Variants in IFTAP observed in about 807,000 individuals in gnomAD.
IFTAP encodes the protein intraflagellar transport-associated protein.
In IFTAP, 19 loss-of-function variants were observed where a neutral mutation model predicts 19.4. The ratio of observed to expected loss-of-function variants is 0.98; its 90% confidence interval spans 0.68 to 1.44. The LOEUF (loss-of-function observed/expected upper bound fraction) is 1.44, where lower values mean the gene tolerates loss of function less well. IFTAP is among the 40% of genes most tolerant of loss of function. The pLI is 0.00. For missense variants in IFTAP, 240 were observed against 253.6 expected, an observed-to-expected ratio of 0.95 and a Z score of 0.36; for synonymous variants, 85 against 83.5, an observed-to-expected ratio of 1.02 and a Z score of -0.10.
intron 5 of IFTAP, among the ~76,000 whole-genome samples, chr11:36,658,550 T>A (rs1196218392): frequency 6.6e-6 from 1 of 152,194 alleles, no homozygotes; most frequent in Admixed American, 6.5e-5. Flanking sequence ...AGAAGTATAT[T>A]CAATGTAGGG....
At chr11:36,624,098 C>T (rs1287162231) in intron 2 of IFTAP, among the ~76,000 whole-genome samples, 5 of 151,976 alleles carry the variant, frequency 3.3e-5, no homozygotes, top group Admixed American at 2.0e-4. Flanking sequence ...GGATTAGAAA[C>T]TTCGTTGGAA....
chr11:36,620,753 C>T (rs1331897375), intron 2 of IFTAP, among the ~76,000 whole-genome samples: 1 of 151,490 alleles, frequency 6.6e-6, no homozygotes, highest in Non-Finnish European at 1.5e-5. Context: ...TATTTTGTTC[C>T]AATAATTACC....
chr11:36,643,740 G>A (rs1212050595), intron 4 of IFTAP, among the ~76,000 whole-genome samples: 2 of 152,120 alleles, frequency 1.3e-5, no homozygotes, highest in Admixed American at 1.3e-4. Context: ...TAAAACAAGA[G>A]ATGGGGAAAA....
chr11:36,655,953 A>G (rs1395588624), intron 5 of IFTAP, among the ~76,000 whole-genome samples: 1 of 152,178 alleles, frequency 6.6e-6, no homozygotes, highest in Non-Finnish European at 1.5e-5. Context: ...CATGACAGAG[A>G]AGAATGTAAA....
At chr11:36,645,066 T>C (rs1209447128) in intron 4 of IFTAP, among the ~76,000 whole-genome samples, 1 of 152,220 alleles carries the variant, frequency 6.6e-6, no homozygotes, top group Admixed American at 6.5e-5. Flanking sequence ...ATCCTTTTTG[T>C]ATTAGGATGC....
rs549812405 is a variant in IFTAP at position 36,611,960 on chromosome 11, T to C, written c.136+1721T>C. ...GAAATAAGGGTAAAATTGGCAGAAT[T>C]AATGAATTTTGGTATGCTAATGACA... On this transcript the variant is annotated intron_variant, in intron 2 of 5. Coordinates refer to ENST00000334307, the MANE Select transcript of IFTAP (RefSeq NM_138787.4). Among the ~76,000 whole-genome samples, 5 of 152,216 alleles carry C rather than the reference T, an allele frequency of 3.3e-5. No individual in the cohort carries two copies. In the South Asian group the frequency reaches 8.3e-4, roughly 25 times the overall value.
At chr11:36,596,290 G>C (rs1484147430) in intron 1 of IFTAP, among the ~76,000 whole-genome samples, 7 of 130,078 alleles carry the variant, frequency 5.4e-5, no homozygotes, top group African/African-American at 2.1e-4. Flanking sequence ...ATAATCTCTT[G>C]TAGTTATTAT....
intron 1 of IFTAP, among the ~76,000 whole-genome samples, chr11:36,604,942 ATTG>A (rs992196361): frequency 2.0e-5 from 3 of 151,254 alleles, no homozygotes; most frequent in Non-Finnish European, 2.9e-5. Flanking sequence ...AGGATGCAAA[ATTG>A]TTGTAGTTCA....
At chr11:36,655,220 T>A (rs183952514) in intron 5 of IFTAP, among the ~76,000 whole-genome samples, 1 of 152,278 alleles carries the variant, frequency 6.6e-6, no homozygotes. Flanking sequence ...TATGAAATTC[T>A]GCATCTTATT....
chr11:36,633,044 C>G (rs561641641), intron 2 of IFTAP, among the ~76,000 whole-genome samples: 2 of 151,180 alleles, frequency 1.3e-5, no homozygotes, highest in Non-Finnish European at 2.9e-5. Context: ...CGACCAAGAA[C>G]AGTGCTGGAT....
chr11:36,644,994 A>G (rs1012959422), intron 4 of IFTAP, among the ~76,000 whole-genome samples: 7 of 75,086 alleles, frequency 9.3e-5, no homozygotes, highest in African/African-American at 8.5e-4. Context: ...AATTTAAAGT[A>G]TAATAATAAT....
chr11:36,609,515 A>G (rs1458663623), intron 1 of IFTAP, among the ~76,000 whole-genome samples: 3 of 152,106 alleles, frequency 2.0e-5, no homozygotes, highest in Non-Finnish European at 4.4e-5. Context: ...TTTGTCAGTG[A>G]TAGTAGGGAA....
In IFTAP at chr11:36,633,362, A is replaced by T. The variant is rs769315823; in HGVS notation, c.215A>T (p.Lys72Ile). The stretch of plus-strand genomic sequence containing the variant: ...TTTACCTCAGCAAAAGTTACTCATA[A>T]AAATGAAGCAGATGACTACCATCTT... ...NIFTSAKVTH[K>I]NEADDYHLRN... Residue 72 changes from lysine (K) to isoleucine (I), a missense_variant, in exon 3 of 6, where the codon AAA becomes ATA. Coordinates refer to ENST00000334307, the MANE Select transcript of IFTAP (RefSeq NM_138787.4). 3.1e-5 allele frequency: 50 copies of T among 1,604,064 alleles called. 1 individual carries two copies. In the South Asian group the frequency reaches 5.7e-4, roughly 18 times the overall value.
intron 1 of IFTAP, among the ~76,000 whole-genome samples, chr11:36,608,293 A>G (rs1251761090): frequency 2.0e-5 from 3 of 152,246 alleles, no homozygotes; most frequent in African/African-American, 4.8e-5. Context: ...AGAATTTTAT[A>G]TCATACACAT....
chr11:36,658,740 G>T (rs1036067560), intron 5 of IFTAP, among the ~76,000 whole-genome samples: 1 of 152,098 alleles, frequency 6.6e-6, no homozygotes, highest in East Asian at 1.9e-4. Flanking sequence ...TGTATAATGA[G>T]TATATGCAAG....
chr11:36,648,133 G>C lies in IFTAP; in HGVS notation c.476G>C (p.Arg159Thr). 1 of 1,613,178 alleles carries C rather than the reference G, an allele frequency of 6.2e-7. No homozygotes were observed. Among genetic ancestry groups the C allele is most frequent in the Admixed American group, 1.7e-5 (1 of 59,882 alleles). ...GTGAAGCCAAAGCCCAGTGTTAAAAGAATGGACAAACAGACGGAAGAGGTA... is the reference window on the plus strand; with the variant it reads ...GTGAAGCCAAAGCCCAGTGTTAAAACAATGGACAAACAGACGGAAGAGGTA... ...CEVKPKPSVK[R>T]MDKQTEEILG... The change falls in exon 5 of 6, where the codon AGA becomes ACA. Residue 159 changes from arginine (R) to threonine (T), a missense_variant. Transcript: ENST00000334307.
intron 5 of IFTAP, among the ~76,000 whole-genome samples, chr11:36,654,985 T>C (rs1395040809): frequency 6.6e-6 from 1 of 152,160 alleles, no homozygotes; most frequent in Non-Finnish European, 1.5e-5. Context: ...TTTTTTCTTC[T>C]TTTTTACTCC....
chr11:36,601,176 A>G (rs1221960514), intron 1 of IFTAP, among the ~76,000 whole-genome samples: 1 of 152,242 alleles, frequency 6.6e-6, no homozygotes, highest in East Asian at 1.9e-4. Flanking sequence ...GCAACTTTTC[A>G]TAGCATTAGG....
chr11:36,645,993 G>A (rs752000027), intron 4 of IFTAP, among the ~76,000 whole-genome samples: 2 of 152,080 alleles, frequency 1.3e-5, no homozygotes, highest in African/African-American at 2.4e-5. Context: ...GGTGCATTTC[G>A]CTTTTATTCT....
Sources: gnomAD v4.1 joint callset for allele counts (sites outside exome capture counted in the v4.1 genomes callset) on GRCh38, gnomAD v4.1.1 for gene constraint, MANE v1.5 for transcripts, NCBI Gene and HGNC (gene_info 2026-07-23, HGNC 2026-07-21) for gene names.